The following PCM1 variants were observed in gnomAD, a reference collection of about 807,000 sequenced individuals.
The protein encoded by PCM1 is pericentriolar material 1 protein.
A neutral mutation model predicts 241.9 loss-of-function variants in PCM1; 157 were observed. The observed-to-expected ratio is 0.65, with a 90% CI of 0.57 to 0.74. The LOEUF is 0.74. Among genes scored for constraint, PCM1 ranks in the 30% least tolerant of loss-of-function variants. The probability of loss-of-function intolerance (pLI) is 0.00; values close to 1 mark genes in which losing one functional copy is unlikely to be tolerated. For missense variants in PCM1, 3,478 were observed against 2,360.1 expected, an observed-to-expected ratio of 1.47 and a Z score of -9.81; for synonymous variants, 1,085 against 784.9, an observed-to-expected ratio of 1.38 and a Z score of -6.39.
chr8:17,961,303 G>GATT (rs2071828987), intron 15 of PCM1, among the ~76,000 whole-genome samples: 1 of 87,648 alleles, frequency 1.1e-5, no homozygotes, highest in East Asian at 3.5e-4. Flanking sequence ...TTATTGGCTA[G>GATT]CTTTTTTTTT....
intron 7 of PCM1, among the ~76,000 whole-genome samples, chr8:17,948,447 G>A (rs1407677160): frequency 6.6e-6 from 1 of 151,798 alleles, no homozygotes; most frequent in Non-Finnish European, 1.5e-5. Flanking sequence ...TGGGATTACA[G>A]GTGCGCACCA....
chr8:17,966,774 GT>G, intron 20 of PCM1, among the ~76,000 whole-genome samples: 1 of 152,322 alleles, frequency 6.6e-6, no homozygotes, highest in East Asian at 1.9e-4. Context: ...TTTACCGACT[GT>G]CGGACAGAAG....
intron 24 of PCM1, among the ~76,000 whole-genome samples, chr8:17,983,760 T>A: frequency 6.6e-6 from 1 of 152,216 alleles, no homozygotes; most frequent in East Asian, 1.9e-4. Flanking sequence ...TTTTAGTCTC[T>A]AATATAAGTA....
intron 2 of PCM1, among the ~76,000 whole-genome samples, chr8:17,935,114 TTTC>T (rs1264259043): frequency 1.3e-5 from 2 of 152,196 alleles, no homozygotes; most frequent in South Asian, 2.1e-4. Context: ...AAACCAAAAT[TTTC>T]TTCTTGTTTC....
At chr8:18,015,121 C>CTTTATCCTTTATACTACCTA (rs2093000961) in intron 36 of PCM1, among the ~76,000 whole-genome samples, 5 of 152,124 alleles carry the variant, frequency 3.3e-5, no homozygotes, top group African/African-American at 1.2e-4. Context: ...ATGAATCCTC[C>CTTTATCCTTTATACTACCTA]TTTATCCTTT....
intron 3 of PCM1, among the ~76,000 whole-genome samples, chr8:17,936,456 A>G (rs2060457420): frequency 6.6e-6 from 1 of 152,218 alleles, no homozygotes; most frequent in African/African-American, 2.4e-5. Flanking sequence ...AGGTTATGTG[A>G]GTTTAACTAA....
intron 6 of PCM1, among the ~76,000 whole-genome samples, chr8:17,943,364 G>A (rs954384659): frequency 6.6e-6 from 1 of 152,074 alleles, no homozygotes; most frequent in African/African-American, 2.4e-5. Context: ...CCAGTAGAGT[G>A]AATAAAGTAG....
chr8:17,949,110 G>C (rs1326557310), intron 7 of PCM1, among the ~76,000 whole-genome samples: 1 of 152,164 alleles, frequency 6.6e-6, no homozygotes, highest in Non-Finnish European at 1.5e-5. Context: ...TTATGAGTCA[G>C]AGAATAGGAG....
chr8:17,959,267 T>G lies in PCM1; in HGVS notation c.2041-747T>G, dbSNP rs551861510. 2.6e-5 allele frequency among the ~76,000 whole-genome samples: 4 copies of G among 152,024 alleles called. No individual in the cohort carries two copies. The East Asian group carries it at 5.8e-4, about 22-fold the overall frequency. On this transcript the variant is annotated intron_variant, in intron 13 of 38. Coordinates refer to ENST00000325083, the MANE Select transcript of PCM1 (RefSeq NM_006197.4). The stretch of plus-strand genomic sequence containing the variant: ...TCATGTCAGTATAGTTCTATATAAT[T>G]ATAAGTAATTAAGAAACACAAATAT...
At chr8:17,946,357 A>C (rs1344231944) in intron 6 of PCM1, among the ~76,000 whole-genome samples, 1 of 152,242 alleles carries the variant, frequency 6.6e-6, no homozygotes, top group Non-Finnish European at 1.5e-5. Context: ...TGATGTGATT[A>C]AATGAAAATC....
chr8:18,004,258 G>A (rs2090595239), intron 29 of PCM1, among the ~76,000 whole-genome samples: 1 of 152,060 alleles, frequency 6.6e-6, no homozygotes, highest in African/African-American at 2.4e-5. Flanking sequence ...AAAAAGTCTT[G>A]AATTTAAAAG....
intron 29 of PCM1, among the ~76,000 whole-genome samples, chr8:17,994,183 A>G (rs2085768103): frequency 6.6e-6 from 1 of 152,114 alleles, no homozygotes; most frequent in Non-Finnish European, 1.5e-5. Flanking sequence ...CCTATTCCCT[A>G]CTACCTTTCA....
Position 18,025,572 on chromosome 8 carries a change from A to G in PCM1, c.5963A>G (p.Glu1988Gly), listed in dbSNP as rs1357162419. 6.3e-7 allele frequency: 1 copy of G among 1,582,784 alleles called. No individual in the cohort carries two copies. The highest frequency in any genetic ancestry group is 8.6e-7 in the Non-Finnish European group (1 of 1,164,422). Residue 1988 changes from glutamate (E) to glycine (G), a missense_variant, in exon 38 of 39, where the codon GAA becomes GGA. Transcript: ENST00000325083. ...EADLRKKMVE[E>G]EQKNHLSGEI... ...GATCTAAGAAAGAAAATGGTAGAAG[A>G]AGAACAGAAAAACCATTTATCTGGT...
intron 6 of PCM1, among the ~76,000 whole-genome samples, chr8:17,944,967 G>A (rs150216267): frequency 6.6e-6 from 1 of 152,098 alleles, no homozygotes; most frequent in East Asian, 1.9e-4. Flanking sequence ...TAGAAAGTAC[G>A]CTTTTTTCTC....
At chr8:17,956,549 G>C (rs2068586289) in intron 10 of PCM1, 55 bp from the exon 11 acceptor site, 1 of 1,055,666 alleles carries the variant, frequency 9.5e-7, no homozygotes, top group Non-Finnish European at 1.4e-6. Flanking sequence ...AATAATGTCT[G>C]TATTATTTTG....
chr8:17,939,631 C>G, intron 5 of PCM1, 60 bp from the exon 6 acceptor site: 1 of 874,062 alleles, frequency 1.1e-6, no homozygotes. Context: ...AACTAATTAT[C>G]CTTAGTTTTA....
At chr8:17,925,918 C>T (rs2056764316) in intron 2 of PCM1, 1 of 151,980 alleles carries the variant, frequency 6.6e-6, no homozygotes, top group Non-Finnish European at 1.5e-5. Flanking sequence ...TATAGCTCTC[C>T]TATGAGGACC....
intron 27 of PCM1, among the ~76,000 whole-genome samples, chr8:17,990,298 C>T (rs1420454339): frequency 6.6e-6 from 1 of 151,956 alleles, no homozygotes; most frequent in Non-Finnish European, 1.5e-5. Flanking sequence ...AAGGAAAGGT[C>T]ATCGTTTAAG....
intron 36 of PCM1, among the ~76,000 whole-genome samples, chr8:18,017,850 T>C (rs2093368876): frequency 6.6e-6 from 1 of 150,516 alleles, no homozygotes; most frequent in Non-Finnish European, 1.5e-5. Context: ...CAAAACTCCA[T>C]CTCAAAAAAA....
Sources: allele counts gnomAD v4.1 joint callset (sites outside exome capture counted in the v4.1 genomes callset), GRCh38; gene constraint gnomAD v4.1.1; transcripts MANE v1.5; gene names NCBI Gene and HGNC (gene_info 2026-07-23, HGNC 2026-07-21).